Variants in DEPTOR observed in about 807,000 individuals in gnomAD.
DEPTOR encodes the protein DEP domain containing MTOR interacting protein.
A neutral mutation model predicts 41.6 loss-of-function variants in DEPTOR; 41 were observed. The ratio of observed to expected loss-of-function variants is 0.98; its 90% confidence interval spans 0.77 to 1.28. DEPTOR has a LOEUF of 1.28. Ranked by LOEUF, DEPTOR falls within the 50% of genes most tolerant of loss-of-function variation. DEPTOR has a pLI of 0.00. For missense variants in DEPTOR, 514 were observed against 527.9 expected, an observed-to-expected ratio of 0.97 and a Z score of 0.26; for synonymous variants, 195 against 192.3, an observed-to-expected ratio of 1.01 and a Z score of -0.12.
chr8:119,893,850 C>A (rs916112808), intron 1 of DEPTOR, among the ~76,000 whole-genome samples: 1 of 152,130 alleles, frequency 6.6e-6, no homozygotes, highest in Non-Finnish European at 1.5e-5. Flanking sequence ...GCTACCCTAC[C>A]AGTGTTCCTC....
Position 119,988,778 on chromosome 8 carries a change from C to T in DEPTOR, c.605-12747C>T, listed in dbSNP as rs149966885. 1.1e-4 allele frequency among the ~76,000 whole-genome samples: 16 copies of T among 152,102 alleles called. No individual in the cohort carries two copies. The South Asian group carries it at 1.7e-3, about 16-fold the overall frequency. The stretch of plus-strand genomic sequence containing the variant: ...GATTACAGGTGTGAACCACCGTGTC[C>T]GGCCTACTAGGCCTTTTACATATGT... On this transcript the variant is annotated intron_variant, in intron 4 of 8. Transcript: ENST00000286234.
chr8:119,956,441 G>A (rs1188704930), intron 3 of DEPTOR, among the ~76,000 whole-genome samples: 1 of 152,196 alleles, frequency 6.6e-6, no homozygotes, highest in Admixed American at 6.5e-5. Flanking sequence ...CAGCTAACCA[G>A]TCACTTGTCC....
At chr8:119,925,514 A>G (rs1043632451) in intron 1 of DEPTOR, among the ~76,000 whole-genome samples, 3 of 152,202 alleles carry the variant, frequency 2.0e-5, no homozygotes, top group African/African-American at 2.4e-5. Flanking sequence ...CCATGATTCA[A>G]TTATCTCCAC....
intron 4 of DEPTOR, among the ~76,000 whole-genome samples, chr8:119,975,391 G>T (rs1056362295): frequency 1.3e-5 from 2 of 152,128 alleles, no homozygotes; most frequent in African/African-American, 4.8e-5. Flanking sequence ...GGAAAACTTT[G>T]TTTAAGATAA....
intron 1 of DEPTOR, among the ~76,000 whole-genome samples, chr8:119,920,011 T>C (rs1009741591): frequency 6.6e-6 from 1 of 152,212 alleles, no homozygotes; most frequent in Non-Finnish European, 1.5e-5. Context: ...CAGCAGCTGG[T>C]TAGCTGGACA....
chr8:120,021,562 T>C (rs1179567023), intron 8 of DEPTOR, among the ~76,000 whole-genome samples: 8 of 152,200 alleles, frequency 5.3e-5, no homozygotes, highest in African/African-American at 1.2e-4. Flanking sequence ...AATACGCTTA[T>C]ATTTGCAAAC....
chr8:119,978,501 A>G (rs1298338118), intron 4 of DEPTOR, among the ~76,000 whole-genome samples: 2 of 152,160 alleles, frequency 1.3e-5, no homozygotes, highest in Admixed American at 6.6e-5. Context: ...CATACTCGTC[A>G]ATGGGAGGCG....
chr8:119,950,888 G>A (rs903651958), intron 3 of DEPTOR, among the ~76,000 whole-genome samples: 2 of 152,036 alleles, frequency 1.3e-5, no homozygotes, highest in Admixed American at 1.3e-4. Context: ...ATGAGCGACA[G>A]CACCCTGCCA....
At chr8:119,893,534 ATCT>A (rs948367745) in intron 1 of DEPTOR, among the ~76,000 whole-genome samples, 3 of 152,228 alleles carry the variant, frequency 2.0e-5, no homozygotes, top group African/African-American at 7.2e-5. Context: ...TCTCATAAAG[ATCT>A]TCTCTCCTAG....
chr8:119,940,904 T>C lies in DEPTOR; in HGVS notation c.425+10966T>C, dbSNP rs934845689. Among the ~76,000 whole-genome samples the C allele has an allele frequency of 1.6e-4, 24 of 152,226 alleles. 1 individual carries two copies. The highest frequency in any genetic ancestry group is 1.6e-3 in the Admixed American group (24 of 15,274). On this transcript the variant is annotated intron_variant, in intron 3 of 8. Coordinates refer to ENST00000286234, the MANE Select transcript of DEPTOR (RefSeq NM_022783.4). The stretch of plus-strand genomic sequence containing the variant: ...GTGTGAGGCACCTAGAACAGTTAAT[T>C]CATAGAGATGGAAAGTAGAATGGTG...
intron 4 of DEPTOR, among the ~76,000 whole-genome samples, chr8:120,000,270 TTG>T (rs1465247654): frequency 1.3e-5 from 2 of 151,914 alleles, no homozygotes. Context: ...CAAAAAGAAA[TTG>T]TGTGCTGTAG....
rs1048900277 is a variant in DEPTOR, at chr8:120,025,579, C to T, written c.1101+16446C>T. ...CTGTTCCTCCTCCAGTCTCTTCCAGCTCAGTAAATATCATTGCCATCCACC... is the reference window on the plus strand; with the variant it reads ...CTGTTCCTCCTCCAGTCTCTTCCAGTTCAGTAAATATCATTGCCATCCACC... On this transcript the variant is annotated intron_variant, in intron 8 of 8. Transcript: ENST00000286234. 2.6e-5 allele frequency among the ~76,000 whole-genome samples: 4 copies of T among 152,294 alleles called. No individual in the cohort carries two copies. In the East Asian group the frequency reaches 7.7e-4, roughly 29 times the overall value.
chr8:119,901,439 G>A (rs1033052864), intron 1 of DEPTOR, among the ~76,000 whole-genome samples: 1 of 152,102 alleles, frequency 6.6e-6, no homozygotes, highest in African/African-American at 2.4e-5. Flanking sequence ...CACTTTGGGA[G>A]GCTGAGGTGG....
chr8:120,003,518 C>T (rs1812388538), intron 6 of DEPTOR, among the ~76,000 whole-genome samples: 1 of 152,126 alleles, frequency 6.6e-6, no homozygotes, highest in Non-Finnish European at 1.5e-5. Flanking sequence ...TCACCATTAG[C>T]ACTCTCGGAG....
chr8:119,929,229 A>T (rs556046457), intron 2 of DEPTOR, among the ~76,000 whole-genome samples: 1 of 152,098 alleles, frequency 6.6e-6, no homozygotes, highest in Non-Finnish European at 1.5e-5. Context: ...ACCTTTGCAC[A>T]TGCCATCGTT....
At chr8:119,976,989 T>G (rs927856629) in intron 4 of DEPTOR, among the ~76,000 whole-genome samples, 1 of 152,118 alleles carries the variant, frequency 6.6e-6, no homozygotes, top group African/African-American at 2.4e-5. Context: ...TACTGTTATC[T>G]CTCTTTTTAA....
intron 1 of DEPTOR, among the ~76,000 whole-genome samples, chr8:119,927,936 C>T (rs1472933072): frequency 6.6e-6 from 1 of 152,060 alleles, no homozygotes; most frequent in East Asian, 1.9e-4. Flanking sequence ...AAGTACCTAA[C>T]AGGCAGGTAG....
intron 8 of DEPTOR, among the ~76,000 whole-genome samples, chr8:120,030,780 C>T (rs1344661863): frequency 5.9e-5 from 9 of 151,810 alleles, no homozygotes; most frequent in South Asian, 4.2e-4. Context: ...CGGTGTAAGC[C>T]GCCATGCCCA....
At position 119,981,946 on chromosome 8, in the gene DEPTOR, A is replaced by G. The variant is rs779406775; in HGVS notation, c.604+16536A>G. Among the ~76,000 whole-genome samples, 82 of 145,638 alleles carry G rather than the reference A, an allele frequency of 5.6e-4. 1 individual carries two copies. Among genetic ancestry groups the G allele is most frequent in the Non-Finnish European group, 2.3e-4 (15 of 66,656 alleles). The stretch of plus-strand genomic sequence containing the variant: ...AGGAGAATCACTTGACCTGGGAGGC[A>G]GATGTTGCAGTGAGCCAAGATCATG... On this transcript the variant is annotated intron_variant, in intron 4 of 8. Coordinates refer to ENST00000286234, the MANE Select transcript of DEPTOR (RefSeq NM_022783.4).
Sources: allele counts gnomAD v4.1 joint callset (sites outside exome capture counted in the v4.1 genomes callset), GRCh38; gene constraint gnomAD v4.1.1; transcripts MANE v1.5; gene names NCBI Gene and HGNC (gene_info 2026-07-23, HGNC 2026-07-21).